Variants in CLASP2 observed in about 807,000 individuals in gnomAD.
CLASP2 encodes cytoplasmic linker associated protein 2, also known as CLIP-associating protein 2.
In CLASP2, 47 loss-of-function variants were observed where a neutral mutation model predicts 194.4. The observed-to-expected ratio is 0.24, with a 90% confidence interval of 0.19 to 0.31. The LOEUF is 0.31. Among genes scored for constraint, CLASP2 ranks in the 10% least tolerant of loss-of-function variants. The pLI, the probability that CLASP2 is intolerant of heterozygous loss-of-function variation, is 1.00. For missense variants in CLASP2, 1,445 were observed against 1,823.6 expected (o/e 0.79, Z 3.78); for synonymous variants, 619 against 633.5 (o/e 0.98, Z 0.34).
At chr3:33,708,123 C>T (rs2092780743) in intron 1 of CLASP2, among the ~76,000 whole-genome samples, 1 of 152,068 alleles carries the variant, frequency 6.6e-6, no homozygotes, top group Admixed American at 6.6e-5. Context: ...GTACAATATA[C>T]ATTAACTATA....
At chr3:33,642,342 GACA>G (rs2081468233) in intron 8 of CLASP2, among the ~76,000 whole-genome samples, 2 of 151,802 alleles carry the variant, frequency 1.3e-5, no homozygotes, top group East Asian at 1.9e-4. Context: ...AATAATTTAA[GACA>G]ACGAGAAAAT....
At chr3:33,503,072 C>G (rs1395727160) in intron 37 of CLASP2, 1 of 152,086 alleles carries the variant, frequency 6.6e-6, no homozygotes. Context: ...TATTTAAGTG[C>G]CTGGTATGTG....
At chr3:33,680,535 A>G (rs1266681356) in intron 6 of CLASP2, among the ~76,000 whole-genome samples, 5 of 152,242 alleles carry the variant, frequency 3.3e-5, no homozygotes, top group African/African-American at 1.2e-4. Flanking sequence ...CTAGCCAGGC[A>G]TGGTGGTTCA....
chr3:33,680,156 T>C (rs1394345712), intron 6 of CLASP2, among the ~76,000 whole-genome samples: 1 of 152,204 alleles, frequency 6.6e-6, no homozygotes, highest in Non-Finnish European at 1.5e-5. Flanking sequence ...AATGTAACTA[T>C]ATGGAGACAG....
intron 1 of CLASP2, among the ~76,000 whole-genome samples, chr3:33,712,964 C>A (rs9713937): frequency 7.6e-6 from 1 of 132,308 alleles, no homozygotes; most frequent in South Asian, 2.4e-4. Context: ...GAGCAAAGAG[C>A]TGAGACCACT....
intron 7 of CLASP2, among the ~76,000 whole-genome samples, chr3:33,652,637 T>C (rs2083409248): frequency 6.6e-6 from 1 of 152,194 alleles, no homozygotes; most frequent in South Asian, 2.1e-4. Flanking sequence ...CTGACAACTC[T>C]CAAATGTTTG....
intron 27 of CLASP2, among the ~76,000 whole-genome samples, chr3:33,564,778 T>TG (rs2062392300): frequency 6.6e-6 from 1 of 152,104 alleles, no homozygotes; most frequent in Non-Finnish European, 1.5e-5. Context: ...TTTGTAGAGA[T>TG]GGGGTCTACC....
At chr3:33,588,517 T>TA (rs912441623) in intron 21 of CLASP2, among the ~76,000 whole-genome samples, 5 of 152,050 alleles carry the variant, frequency 3.3e-5, no homozygotes, top group East Asian at 1.9e-4. Context: ...TTGTGTCATT[T>TA]AAAAAAAATC....
chr3:33,672,611 T>C (rs999378727), intron 6 of CLASP2, among the ~76,000 whole-genome samples: 6 of 152,212 alleles, frequency 3.9e-5, no homozygotes, highest in Admixed American at 2.0e-4. Flanking sequence ...CTTTGACGAG[T>C]TGACAGAAGA....
intron 8 of CLASP2, among the ~76,000 whole-genome samples, chr3:33,633,669 G>A (rs2079542505): frequency 6.6e-6 from 1 of 151,852 alleles, no homozygotes; most frequent in South Asian, 2.1e-4. Flanking sequence ...TCACAAAGAT[G>A]ACCAATCAAC....
chr3:33,658,903 A>G, intron 7 of CLASP2: 1 of 1,338,562 alleles, frequency 7.5e-7, no homozygotes, highest in Non-Finnish European at 1.0e-6. Flanking sequence ...TATTTCTTAC[A>G]CAGCAAATGA....
At chr3:33,561,568 T>C (rs1300849682) in intron 27 of CLASP2, among the ~76,000 whole-genome samples, 1 of 152,226 alleles carries the variant, frequency 6.6e-6, no homozygotes, top group East Asian at 1.9e-4. Flanking sequence ...AATGTCTACA[T>C]TTAAATTTCA....
Position 33,571,292 on chromosome 3 carries a change from C to T in CLASP2, c.2700-502G>A, listed in dbSNP as rs547500672. On this transcript the variant is annotated intron_variant, in intron 25 of 38. Coordinates refer to ENST00000682230, the MANE Select transcript of CLASP2 (RefSeq NM_001365631.1). ...CCTCCCAAAGTGCTGGGATTACAGG[C>T]GTGACCCACCGCGCCCGGCCTGTCT... is the stretch of plus-strand genomic sequence containing the variant. Among the ~76,000 whole-genome samples, 778 of 148,934 alleles carry T rather than the reference C, an allele frequency of 5.2e-3. 11 individuals are homozygous for T. Among genetic ancestry groups the T allele is most frequent in the African/African-American group, 0.019 (757 of 40,878 alleles).
intron 1 of CLASP2, among the ~76,000 whole-genome samples, chr3:33,713,455 C>A (rs1321597767): frequency 6.6e-6 from 1 of 152,070 alleles, no homozygotes; most frequent in East Asian, 1.9e-4. Context: ...GAATAGGCAA[C>A]ATCAATATGT....
At chr3:33,664,828 G>A (rs1053898981) in intron 6 of CLASP2, among the ~76,000 whole-genome samples, 11 of 152,120 alleles carry the variant, frequency 7.2e-5, no homozygotes, top group African/African-American at 2.7e-4. Context: ...GGCTGGGCGT[G>A]GTGGCTCATG....
intron 13 of CLASP2, among the ~76,000 whole-genome samples, chr3:33,608,873 C>T (rs2074494791): frequency 1.3e-5 from 2 of 151,000 alleles, no homozygotes; most frequent in African/African-American, 4.9e-5. Context: ...TTGTCTCGGC[C>T]TCCCAAGTAA....
intron 9 of CLASP2, 186 bp from the exon 10 acceptor site, chr3:33,627,266 T>C (rs1255367967): frequency 3.4e-6 from 2 of 586,312 alleles, no homozygotes; most frequent in Middle Eastern, 3.0e-4. Context: ...TCTTCCTTAC[T>C]TGTTACCATT....
At chr3:33,664,279 T>C (rs2154334347) in intron 6 of CLASP2, among the ~76,000 whole-genome samples, 1 of 152,308 alleles carries the variant, frequency 6.6e-6, no homozygotes, top group South Asian at 2.1e-4. Context: ...GACAGCACTT[T>C]TTTTTTAGTT....
intron 13 of CLASP2, among the ~76,000 whole-genome samples, chr3:33,610,113 G>A (rs926060093): frequency 6.6e-6 from 1 of 152,156 alleles, no homozygotes; most frequent in African/African-American, 2.4e-5. Context: ...TTCTAGTTCA[G>A]ACTCTGCTTC....
Sources: gnomAD v4.1 joint callset for allele counts (sites outside exome capture counted in the v4.1 genomes callset) on GRCh38, gnomAD v4.1.1 for gene constraint, MANE v1.5 for transcripts, NCBI Gene and HGNC (gene_info 2026-07-23, HGNC 2026-07-21) for gene names.